The following BMPR1B variants were observed in gnomAD, a reference collection of about 807,000 sequenced individuals.
The protein encoded by BMPR1B is bone morphogenetic protein receptor type 1B.
In BMPR1B, 12 loss-of-function variants were observed where a neutral mutation model predicts 59.1. The ratio of observed to expected loss-of-function variants is 0.20; its 90% CI spans 0.13 to 0.33. The LOEUF (loss-of-function observed/expected upper bound fraction) is 0.33, where lower values mean the gene tolerates loss of function less well. BMPR1B is among the 10% of genes least tolerant of loss of function. The probability of loss-of-function intolerance (pLI) is 1.00; values close to 1 mark genes in which losing one functional copy is unlikely to be tolerated. For synonymous variants in BMPR1B, 237 were observed against 207.3 expected (o/e 1.14, Z -1.23); for missense variants, 550 against 610.9 (o/e 0.90, Z 1.05).
chr4:94,954,745 A>G (rs753190026), intron 2 of BMPR1B, among the ~76,000 whole-genome samples: 2 of 152,176 alleles, frequency 1.3e-5, no homozygotes, highest in Non-Finnish European at 2.9e-5. Context: ...ACCACAATAT[A>G]TATCTCAAAA....
intron 3 of BMPR1B, among the ~76,000 whole-genome samples, chr4:95,102,522 C>CT (rs1730895601): frequency 6.6e-6 from 1 of 152,168 alleles, no homozygotes; most frequent in Non-Finnish European, 1.5e-5. Flanking sequence ...TTTAAATACT[C>CT]TATTTTTATT....
chr4:95,009,138 A>G (rs1303615806), intron 3 of BMPR1B, among the ~76,000 whole-genome samples: 1 of 152,190 alleles, frequency 6.6e-6, no homozygotes, highest in Non-Finnish European at 1.5e-5. Flanking sequence ...AAAATAACAA[A>G]TCTTGGTGTG....
At chr4:95,059,821 T>C (rs1727218221) in intron 3 of BMPR1B, among the ~76,000 whole-genome samples, 1 of 152,196 alleles carries the variant, frequency 6.6e-6, no homozygotes, top group Admixed American at 6.5e-5. Context: ...CAAATTTTGG[T>C]GCTTGCCAAC....
At chr4:94,975,170 C>T (rs1488901347) in intron 2 of BMPR1B, among the ~76,000 whole-genome samples, 1 of 152,014 alleles carries the variant, frequency 6.6e-6, no homozygotes, top group East Asian at 1.9e-4. Flanking sequence ...GGCATGTGTC[C>T]TCAGCCAGAA....
intron 2 of BMPR1B, among the ~76,000 whole-genome samples, chr4:94,961,250 A>G (rs1158023586): frequency 6.6e-6 from 1 of 152,126 alleles, no homozygotes; most frequent in African/African-American, 2.4e-5. Flanking sequence ...CCTATTATAT[A>G]TACAGGAAGT....
At chr4:94,885,868 C>T (rs1392197369) in intron 2 of BMPR1B, among the ~76,000 whole-genome samples, 1 of 152,114 alleles carries the variant, frequency 6.6e-6, no homozygotes. Flanking sequence ...GTCACACAAT[C>T]CTGGAAATGT....
chr4:94,871,189 G>A (rs940526955), intron 1 of BMPR1B, among the ~76,000 whole-genome samples: 1 of 152,126 alleles, frequency 6.6e-6, no homozygotes, highest in Admixed American at 6.6e-5. Flanking sequence ...CCCAAGGACT[G>A]CCTGACTCCA....
chr4:94,813,669 C>T lies in BMPR1B; in HGVS notation c.-183+55601C>T, dbSNP rs745677806. On this transcript the variant is annotated intron_variant, in intron 1 of 12. Coordinates refer to ENST00000515059, the MANE Select transcript of BMPR1B (RefSeq NM_001203.3). ...TAAGTTGTAAAAGGATAGGTTGAGC[C>T]GCTATGTTGAGAGTAGTCTGCAGTG... Among the ~76,000 whole-genome samples the T allele has an allele frequency of 5.3e-5, 8 of 151,998 alleles. No individual in the cohort carries two copies. The South Asian group carries it at 8.3e-4, about 16-fold the overall frequency.
intron 10 of BMPR1B, among the ~76,000 whole-genome samples, chr4:95,134,339 G>A (rs1733609377): frequency 1.3e-5 from 2 of 152,200 alleles, no homozygotes; most frequent in Admixed American, 1.3e-4. Context: ...ATGTGTGCAT[G>A]TGTCTTTATA....
At chr4:95,138,313 G>A (rs942016742) in intron 10 of BMPR1B, among the ~76,000 whole-genome samples, 46 of 152,114 alleles carry the variant, frequency 3.0e-4, no homozygotes, top group African/African-American at 1.1e-3. Flanking sequence ...TGGCTAACCC[G>A]ACCTTTCTCT....
At chr4:94,872,231 A>G (rs1227807435) in intron 1 of BMPR1B, among the ~76,000 whole-genome samples, 1 of 152,222 alleles carries the variant, frequency 6.6e-6, no homozygotes, top group Non-Finnish European at 1.5e-5. Flanking sequence ...GCCCTAGAGT[A>G]TGGCTTGGAA....
intron 2 of BMPR1B, among the ~76,000 whole-genome samples, chr4:94,972,417 A>G (rs2149078178): frequency 6.6e-6 from 1 of 152,318 alleles, no homozygotes; most frequent in Non-Finnish European, 1.5e-5. Flanking sequence ...ATTACTTGAT[A>G]CAACCACAGA....
chr4:94,944,836 G>C (rs1578833083), intron 2 of BMPR1B, among the ~76,000 whole-genome samples: 1 of 152,280 alleles, frequency 6.6e-6, no homozygotes, highest in Middle Eastern at 3.4e-3. Flanking sequence ...TGAATGGCCT[G>C]ACTGTATGGG....
At chr4:94,801,523 A>G (rs959380598) in intron 1 of BMPR1B, among the ~76,000 whole-genome samples, 3 of 152,168 alleles carry the variant, frequency 2.0e-5, no homozygotes, top group Non-Finnish European at 4.4e-5. Flanking sequence ...CACACTTAAC[A>G]TTAGCTGCTG....
chr4:94,760,675 T>G (rs1340542452), intron 1 of BMPR1B, among the ~76,000 whole-genome samples: 7 of 152,230 alleles, frequency 4.6e-5, no homozygotes, highest in African/African-American at 1.4e-4. Flanking sequence ...ACCTCTGTGC[T>G]GTATGGTTAC....
intron 2 of BMPR1B, among the ~76,000 whole-genome samples, chr4:94,881,711 C>T (rs1269758475): frequency 1.3e-5 from 2 of 152,068 alleles, no homozygotes; most frequent in African/African-American, 2.4e-5. Flanking sequence ...GTGATTCTCC[C>T]GCCTTGGTCT....
intron 1 of BMPR1B, among the ~76,000 whole-genome samples, chr4:94,763,295 C>G (rs1721847714): frequency 6.6e-6 from 1 of 152,196 alleles, no homozygotes; most frequent in Admixed American, 6.5e-5. Context: ...TGAAAGAATT[C>G]ATTATAAAGT....
chr4:95,091,922 G>A (rs1730020437), intron 3 of BMPR1B, among the ~76,000 whole-genome samples: 1 of 151,990 alleles, frequency 6.6e-6, no homozygotes, highest in Non-Finnish European at 1.5e-5. Context: ...TTATGTGTGA[G>A]TGCGTGTTTG....
intron 1 of BMPR1B, among the ~76,000 whole-genome samples, chr4:94,817,812 G>A (rs777501779): frequency 1.3e-5 from 2 of 152,108 alleles, no homozygotes; most frequent in African/African-American, 2.4e-5. Context: ...TTTTCTGATG[G>A]CACCACACTT....
Sources: allele counts gnomAD v4.1 joint callset (sites outside exome capture counted in the v4.1 genomes callset), GRCh38; gene constraint gnomAD v4.1.1; transcripts MANE v1.5; gene names NCBI Gene and HGNC (gene_info 2026-07-23, HGNC 2026-07-21).